PCLO: variants seen among roughly 807,000 people sequenced by gnomAD.
PCLO encodes protein piccolo.
In PCLO, 82 loss-of-function variants were observed where a neutral mutation model predicts 427.5. That is an observed-to-expected ratio of 0.19 (90% CI 0.16 to 0.23). The LOEUF is 0.23. PCLO is among the 10% of genes least tolerant of loss of function. The pLI is 1.00. For missense variants in PCLO, 6,239 were observed against 6,115.9 expected, an observed-to-expected ratio of 1.02 and a Z score of -0.67; for synonymous variants, 2,357 against 2,155.4, an observed-to-expected ratio of 1.09 and a Z score of -2.59.
chr7:82,851,570 T>G (rs1309728980), intron 10 of PCLO, among the ~76,000 whole-genome samples: 1 of 150,390 alleles, frequency 6.6e-6, no homozygotes, highest in Non-Finnish European at 1.5e-5. Context: ...TGTTAATAAA[T>G]GAATAAAGAA....
At chr7:82,976,179 G>A (rs2115737458) in intron 3 of PCLO, among the ~76,000 whole-genome samples, 1 of 152,224 alleles carries the variant, frequency 6.6e-6, no homozygotes, top group African/African-American at 2.4e-5. Flanking sequence ...TTATTGTTTG[G>A]CTTGGGATAG....
rs188894614 is a variant in PCLO at position 82,772,036 on chromosome 7, G to A, written c.15008-10543C>T. 3.2e-4 allele frequency among the ~76,000 whole-genome samples: 48 copies of A among 152,100 alleles called. No individual in the cohort carries two copies. The East Asian group carries it at 8.3e-3, about 26-fold the overall frequency. On this transcript the variant is annotated intron_variant, in intron 22 of 24. Coordinates refer to ENST00000333891, the MANE Select transcript of PCLO (RefSeq NM_033026.6). ...ATTGAACAACGCTTGCTCTTCAGACGTTTTATATATTCCATCTACAGCCTT... is the reference window on the plus strand; with the variant it reads ...ATTGAACAACGCTTGCTCTTCAGACATTTTATATATTCCATCTACAGCCTT...
intron 1 of PCLO, 120 bp downstream of exon 1, chr7:83,162,225 G>A (rs1792457171): frequency 3.4e-5 from 41 of 1,195,062 alleles, no homozygotes; most frequent in Non-Finnish European, 4.5e-5. Flanking sequence ...CCCCACTGGG[G>A]AGAATAAAAT....
intron 3 of PCLO, among the ~76,000 whole-genome samples, chr7:83,052,626 T>A (rs117099293): frequency 0.015 from 2,341 of 152,128 alleles, 31 homozygotes; most frequent in Non-Finnish European, 0.022. Flanking sequence ...GAATCAAAAA[T>A]CAACAAGCCC....
chr7:82,832,839 ACACAC>A (rs1792129639), intron 16 of PCLO, among the ~76,000 whole-genome samples: 1 of 146,318 alleles, frequency 6.8e-6, no homozygotes, highest in South Asian at 2.2e-4. Context: ...ACACACACAC[ACACAC>A]GTTTTTCAAA....
At chr7:83,152,011 C>A (rs1242785742) in intron 2 of PCLO, among the ~76,000 whole-genome samples, 2 of 151,506 alleles carry the variant, frequency 1.3e-5, no homozygotes, top group Non-Finnish European at 2.9e-5. Flanking sequence ...GTTGCCCAGG[C>A]TGGAATGCAG....
intron 3 of PCLO, among the ~76,000 whole-genome samples, chr7:83,110,833 T>C (rs960339771): frequency 7.2e-5 from 11 of 152,132 alleles, no homozygotes; most frequent in African/African-American, 2.4e-4. Flanking sequence ...ACCCATCTCC[T>C]CCACTAGAGA....
At chr7:82,851,914 G>A (rs918629828) in intron 10 of PCLO, among the ~76,000 whole-genome samples, 1 of 152,054 alleles carries the variant, frequency 6.6e-6, no homozygotes, top group African/African-American at 2.4e-5. Flanking sequence ...TAATGTATGA[G>A]AAAGACATAG....
intron 9 of PCLO, among the ~76,000 whole-genome samples, chr7:82,901,730 C>A (rs997618645): frequency 9.7e-4 from 147 of 151,690 alleles, no homozygotes; most frequent in African/African-American, 3.3e-3. Context: ...AATTTACAAG[C>A]AAAAAACAAA....
At chr7:82,910,293 C>A (rs1044177872) in intron 7 of PCLO, among the ~76,000 whole-genome samples, 11 of 152,194 alleles carry the variant, frequency 7.2e-5, no homozygotes, top group Admixed American at 5.9e-4. Flanking sequence ...TTCCCCTAGG[C>A]CATTTCCATC....
intron 20 of PCLO, among the ~76,000 whole-genome samples, chr7:82,811,363 C>G (rs952223437): frequency 9.2e-5 from 14 of 151,490 alleles, no homozygotes; most frequent in Admixed American, 8.6e-4. Context: ...ATCCCTCTTT[C>G]CTTTCCTTCT....
intron 3 of PCLO, among the ~76,000 whole-genome samples, chr7:82,997,013 G>A (rs1787634149): frequency 6.6e-6 from 1 of 151,942 alleles, no homozygotes; most frequent in Non-Finnish European, 1.5e-5. Context: ...TATGTCCAAG[G>A]TAGAACCTAG....
At chr7:82,776,564 G>C (rs1790754530) in intron 22 of PCLO, among the ~76,000 whole-genome samples, 1 of 152,258 alleles carries the variant, frequency 6.6e-6, no homozygotes, top group Non-Finnish European at 1.5e-5. Flanking sequence ...GGAGGCCAAG[G>C]CTGGCAGATC....
intron 2 of PCLO, 64 bp downstream of exon 2, chr7:83,154,684 G>A (rs1792221027): frequency 8.7e-7 from 1 of 1,150,462 alleles, no homozygotes. Flanking sequence ...GTTTAGTTAA[G>A]CATCATTTGT....
At chr7:83,049,791 C>A (rs577012449) in intron 3 of PCLO, among the ~76,000 whole-genome samples, 1 of 151,976 alleles carries the variant, frequency 6.6e-6, no homozygotes, top group Non-Finnish European at 1.5e-5. Context: ...TAAGCAAAAG[C>A]GGTTAAGCTA....
At chr7:83,084,241 G>C (rs1790174798) in intron 3 of PCLO, among the ~76,000 whole-genome samples, 1 of 151,848 alleles carries the variant, frequency 6.6e-6, no homozygotes. Flanking sequence ...AATTGGACTT[G>C]GAGGTAGTGT....
intron 3 of PCLO, among the ~76,000 whole-genome samples, chr7:82,970,565 A>G (rs1795880054): frequency 6.6e-6 from 1 of 151,928 alleles, no homozygotes; most frequent in East Asian, 1.9e-4. Context: ...TGGTGGTCTC[A>G]TATGTGTCTC....
chr7:82,856,576 TTTGA>T, intron 10 of PCLO, among the ~76,000 whole-genome samples: 1 of 152,250 alleles, frequency 6.6e-6, no homozygotes, highest in Non-Finnish European at 1.5e-5. Flanking sequence ...ATTAGTATAA[TTTGA>T]TTGGCCCCTA....
intron 10 of PCLO, among the ~76,000 whole-genome samples, chr7:82,854,116 C>G (rs569138876): frequency 6.6e-6 from 1 of 152,062 alleles, no homozygotes; most frequent in African/African-American, 2.4e-5. Context: ...GCACTTCCCA[C>G]ATCTCCTCTC....
Sources: gnomAD v4.1 joint callset for allele counts (sites outside exome capture counted in the v4.1 genomes callset) on GRCh38, gnomAD v4.1.1 for gene constraint, MANE v1.5 for transcripts, NCBI Gene and HGNC (gene_info 2026-07-23, HGNC 2026-07-21) for gene names.